Variants in RNMT observed in about 807,000 individuals in gnomAD.
RNMT encodes the protein mRNA cap guanine-N(7) methyltransferase.
A neutral mutation model predicts 56.0 loss-of-function variants in RNMT; 27 were observed. That is an observed-to-expected ratio of 0.48 (90% CI 0.36 to 0.67). RNMT has a LOEUF of 0.67. Ranked by LOEUF, RNMT falls within the 30% of genes least tolerant of loss-of-function variation. The pLI, the probability that RNMT is intolerant of heterozygous loss-of-function variation, is 0.00. For synonymous variants in RNMT, 184 were observed against 176.2 expected, an observed-to-expected ratio of 1.04 and a Z score of -0.35; for missense variants, 519 against 552.1, an observed-to-expected ratio of 0.94 and a Z score of 0.60.
At chr18:13,738,681 C>T (rs1057496443) in intron 5 of RNMT, among the ~76,000 whole-genome samples, 9 of 152,190 alleles carry the variant, frequency 5.9e-5, no homozygotes, top group South Asian at 2.1e-4. Context: ...CAAAAAATCA[C>T]GTGTTTAATA....
intron 11 of RNMT, 62 bp from the exon 12 acceptor site, chr18:13,759,880 A>G (rs1568517341): frequency 7.7e-6 from 11 of 1,434,450 alleles, no homozygotes; most frequent in Non-Finnish European, 9.8e-6. Flanking sequence ...TATGAACAAG[A>G]CAGATTGTTT....
intron 8 of RNMT, 112 bp from the exon 9 acceptor site, chr18:13,746,108 G>T: frequency 1.5e-6 from 1 of 648,314 alleles, no homozygotes. Context: ...AATTTATCAA[G>T]GGAGTGGTAG....
chr18:13,734,418 A>T, intron 3 of RNMT, 46 bp from the exon 4 acceptor site: 3 of 1,553,016 alleles, frequency 1.9e-6, no homozygotes, highest in Non-Finnish European at 1.7e-6. Flanking sequence ...GCTTATTTTT[A>T]CCATGTTCTG....
At chr18:13,737,551 A>C (rs1434274365) in intron 5 of RNMT, among the ~76,000 whole-genome samples, 1 of 152,142 alleles carries the variant, frequency 6.6e-6, no homozygotes, top group Non-Finnish European at 1.5e-5. Flanking sequence ...TCGAAAAAAA[A>C]AAAATTAGTT....
chr18:13,730,080 G>C (rs772496591), intron 1 of RNMT, among the ~76,000 whole-genome samples: 3 of 152,198 alleles, frequency 2.0e-5, no homozygotes, highest in African/African-American at 7.2e-5. Flanking sequence ...GTGAGCCACT[G>C]TGCCCAGCGA....
rs759084159 is a variant in RNMT, at chr18:13,731,935, G to A, written c.417+1G>A. 6.3e-7 allele frequency: 1 copy of A among 1,584,024 alleles called. No homozygotes were observed. ...TGAGGATGTTCCTGAAAAGCAGAAA[G>A]TATGTTCAGTGTATTTTCATTTATT... On this transcript the variant is annotated splice_donor_variant, in intron 3 of 11. Coordinates refer to ENST00000383314, the MANE Select transcript of RNMT (RefSeq NM_003799.3). LOFTEE classifies it high-confidence loss of function.
intron 3 of RNMT, 77 bp downstream of exon 3, chr18:13,732,011 G>C: frequency 4.3e-6 from 5 of 1,158,504 alleles, no homozygotes; most frequent in Non-Finnish European, 6.1e-6. Context: ...GATTCATACT[G>C]GTTTTTACAT....
At chr18:13,727,294 G>A (rs1164762498) in intron 1 of RNMT, among the ~76,000 whole-genome samples, 1 of 152,226 alleles carries the variant, frequency 6.6e-6, no homozygotes, top group African/African-American at 2.4e-5. Flanking sequence ...CTTCGGAGGT[G>A]TGACTGGAAA....
intron 3 of RNMT, 83 bp downstream of exon 3, chr18:13,732,017 T>A: frequency 9.1e-7 from 1 of 1,093,368 alleles, no homozygotes; most frequent in Non-Finnish European, 1.3e-6. Flanking sequence ...TACTGGTTTT[T>A]ACATAATAGC....
At chr18:13,742,337 T>TAA (rs34718591) in intron 7 of RNMT, 151 bp from the exon 8 acceptor site, 827 of 499,836 alleles carry the variant, frequency 1.7e-3, no homozygotes, top group East Asian at 3.3e-3. Context: ...CTTGTCACTT[T>TAA]AAAAAAAAAA....
intron 11 of RNMT, among the ~76,000 whole-genome samples, chr18:13,757,418 A>G (rs1241296768): frequency 1.3e-5 from 2 of 152,164 alleles, no homozygotes; most frequent in African/African-American, 4.8e-5. Context: ...CTGAAACCCT[A>G]CTGGTCTTTA....
chr18:13,738,318 A>G (rs772993100), intron 5 of RNMT, among the ~76,000 whole-genome samples: 88 of 152,320 alleles, frequency 5.8e-4, no homozygotes, highest in Non-Finnish European at 2.2e-4. Flanking sequence ...TGGCTTTTAC[A>G]TTTTTGTAAA....
chr18:13,745,702 G>A (rs1305570572), intron 8 of RNMT, among the ~76,000 whole-genome samples: 1 of 138,346 alleles, frequency 7.2e-6, no homozygotes, highest in African/African-American at 2.5e-5. Context: ...TAGGGCTCTG[G>A]ACTGTACTCT....
chr18:13,739,915 C>A (rs1023194580), intron 5 of RNMT, among the ~76,000 whole-genome samples: 1 of 152,162 alleles, frequency 6.6e-6, no homozygotes, highest in Non-Finnish European at 1.5e-5. Context: ...CTCCTTTTTA[C>A]TTTGAATAAG....
At chr18:13,742,053 A>C (rs760859396) in intron 7 of RNMT, among the ~76,000 whole-genome samples, 14 of 152,354 alleles carry the variant, frequency 9.2e-5, no homozygotes, top group Admixed American at 3.3e-4. Context: ...AAGTAGCTCA[A>C]ATCAGGAGAG....
chr18:13,746,248 G>A lies in RNMT; in HGVS notation c.1168G>A (p.Val390Ile), dbSNP rs2044350102. Residue 390 changes from valine to isoleucine, a missense_variant, in exon 9 of 12, where the codon GTC becomes ATC. By Grantham distance (29) the Val-to-Ile change is conservative (BLOSUM62 3). Coordinates refer to ENST00000383314, the MANE Select transcript of RNMT (RefSeq NM_003799.3). ...EMAKKYNMKL[V>I]YKKTFLEFYE... is the part of the protein sequence containing the mutation. ...GGCAAAGAAGTACAATATGAAACTA[G>A]TCTACAAAAAAACATTTCTGGAATT... is the stretch of plus-strand genomic sequence containing the variant. 2.6e-6 allele frequency: 4 copies of A among 1,545,910 alleles called. No individual in the cohort carries two copies. The African/African-American group carries it at 4.2e-5, about 16-fold the overall frequency.
intron 11 of RNMT, among the ~76,000 whole-genome samples, chr18:13,759,194 TG>T (rs2044589794): frequency 1.3e-5 from 2 of 152,114 alleles, no homozygotes; most frequent in South Asian, 4.1e-4. Context: ...GTTGGAAAAA[TG>T]GTGCCAGTAG....
At position 13,761,719 on chromosome 18, in the gene RNMT, C is replaced by T; in HGVS notation, c.*1740C>T. 8.9e-7 allele frequency: 1 copy of T among 1,129,052 alleles called. No homozygotes were observed. Among genetic ancestry groups the T allele is most frequent in the South Asian group, 2.3e-5 (1 of 43,866 alleles). The allele number at this position is 1,129,052 out of a possible 1,614,324, so 69.9% of individuals were successfully genotyped here. ...TGAGAAGATGCTCTGGGGACTGAGC[C>T]CACTGTTGTTGGTGTCAGGGAGGCT... On this transcript the variant is annotated 3_prime_UTR_variant, in exon 12 of 12. Coordinates refer to ENST00000383314, the MANE Select transcript of RNMT (RefSeq NM_003799.3).
intron 9 of RNMT, among the ~76,000 whole-genome samples, chr18:13,751,332 C>G (rs533952543): frequency 6.2e-4 from 95 of 152,310 alleles, no homozygotes; most frequent in Non-Finnish European, 9.8e-4. Context: ...CTTCTCAAAA[C>G]ACGACATTTA....
Sources: allele counts gnomAD v4.1 joint callset (sites outside exome capture counted in the v4.1 genomes callset), GRCh38; gene constraint gnomAD v4.1.1; transcripts MANE v1.5; gene names NCBI Gene and HGNC (gene_info 2026-07-23, HGNC 2026-07-21).